The following LRRC1 variants were observed in gnomAD, a reference collection of about 807,000 sequenced individuals.
LRRC1 encodes the protein leucine-rich repeat-containing protein 1.
A neutral mutation model predicts 69.9 loss-of-function variants in LRRC1; 28 were observed. That is an observed-to-expected ratio of 0.40 (90% CI 0.30 to 0.55). The LOEUF (loss-of-function observed/expected upper bound fraction) is 0.55, where lower values mean the gene tolerates loss of function less well. Among genes scored for constraint, LRRC1 ranks in the 20% least tolerant of loss-of-function variants. The pLI, the probability that LRRC1 is intolerant of heterozygous loss-of-function variation, is 0.47. For synonymous variants in LRRC1, 236 were observed against 240.2 expected (o/e 0.98, Z 0.16); for missense variants, 498 against 609.0 (o/e 0.82, Z 1.92).
At chr6:53,921,095 G>A (rs1359063741) in intron 13 of LRRC1, among the ~76,000 whole-genome samples, 1 of 152,048 alleles carries the variant, frequency 6.6e-6, no homozygotes, top group Non-Finnish European at 1.5e-5. Context: ...AGCCTCTCAA[G>A]TAGCTGGGAC....
chr6:53,906,997 C>T (rs1768262316), intron 10 of LRRC1, among the ~76,000 whole-genome samples: 1 of 152,220 alleles, frequency 6.6e-6, no homozygotes, highest in African/African-American at 2.4e-5. Flanking sequence ...GAGTGCTTGC[C>T]TCTGACCATC....
At chr6:53,891,422 A>T (rs1767675436) in intron 4 of LRRC1, among the ~76,000 whole-genome samples, 1 of 152,122 alleles carries the variant, frequency 6.6e-6, no homozygotes, top group East Asian at 1.9e-4. Flanking sequence ...TGTTGAAAAA[A>T]TACTGGTATG....
At chr6:53,836,609 C>T (rs1765619779) in intron 1 of LRRC1, among the ~76,000 whole-genome samples, 1 of 152,088 alleles carries the variant, frequency 6.6e-6, no homozygotes, top group Non-Finnish European at 1.5e-5. Flanking sequence ...TATTTTCCTT[C>T]CTAATTAGTA....
In LRRC1 at chr6:53,821,879, GTTTTT is replaced by G. The variant is rs34507757; in HGVS notation, c.160-20219_160-20215del. Among the ~76,000 whole-genome samples the G allele has an allele frequency of 5.6e-4, 81 of 143,468 alleles. 1 individual carries two copies. The highest frequency in any genetic ancestry group is 1.4e-3 in the Admixed American group (21 of 14,590). 94.1% of individuals were successfully genotyped at this position (143,468 alleles called of 152,430 possible). ...TTGCCTTCTAATGCTAGTAATGCTA[GTTTTT>G]TTTTTTTTTTTCCTTTTCTGTTTGT... On this transcript the variant is annotated intron_variant, in intron 1 of 13. Transcript: ENST00000370888.
intron 3 of LRRC1, 77 bp from the exon 4 acceptor site, chr6:53,882,810 C>A: frequency 1.2e-6 from 1 of 810,390 alleles, no homozygotes; most frequent in Non-Finnish European, 2.0e-6. Flanking sequence ...TAGAATAAAT[C>A]ATTATATTTA....
chr6:53,860,790 T>G (rs1241030529), intron 2 of LRRC1, among the ~76,000 whole-genome samples: 1 of 152,174 alleles, frequency 6.6e-6, no homozygotes, highest in Non-Finnish European at 1.5e-5. Context: ...TGGATCTGCT[T>G]CAATGTAAGA....
In LRRC1 at chr6:53,808,751, C is replaced by T. The variant is rs193054478; in HGVS notation, c.159+13336C>T. 4.6e-5 allele frequency among the ~76,000 whole-genome samples: 7 copies of T among 152,206 alleles called. No individual in the cohort carries two copies. The East Asian group carries it at 1.4e-3, about 29-fold the overall frequency. On this transcript the variant is annotated intron_variant, in intron 1 of 13. Coordinates refer to ENST00000370888, the MANE Select transcript of LRRC1 (RefSeq NM_018214.5). ...AGACAGTGTTGTCTGCACCAAAAGC[C>T]ACCTGATGAGCCATAAGTTGCATCT...
At chr6:53,818,577 A>G (rs927890606) in intron 1 of LRRC1, among the ~76,000 whole-genome samples, 4 of 152,218 alleles carry the variant, frequency 2.6e-5, no homozygotes, top group African/African-American at 9.6e-5. Flanking sequence ...AGAAAGGCAG[A>G]TAAGATTGTA....
intron 1 of LRRC1, among the ~76,000 whole-genome samples, chr6:53,821,187 C>A (rs1009514527): frequency 6.6e-6 from 1 of 152,202 alleles, no homozygotes; most frequent in African/African-American, 2.4e-5. Context: ...TGCTGTACAT[C>A]ATTTGAATGC....
chr6:53,879,626 AAAAC>A (rs1014760066), intron 3 of LRRC1, among the ~76,000 whole-genome samples: 11 of 152,150 alleles, frequency 7.2e-5, no homozygotes, highest in African/African-American at 1.2e-4. Context: ...TCTGCATTAA[AAAAC>A]AAACAAACAA....
At position 53,896,530 on chromosome 6, in the gene LRRC1, A is replaced by G; in HGVS notation, c.479A>G (p.Glu160Gly). The change falls in exon 5 of 14, where the codon GAG (glutamate) becomes GGG (glycine). Residue 160 changes from glutamate (E) to glycine (G), a missense_variant. By Grantham distance (98) the Glu-to-Gly change is moderately conservative. Around this residue, in one of 3 missense-constraint regions of LRRC1, gnomAD observed 266 missense variants for 383.9 expected, o/e 0.69. Transcript: ENST00000370888. Reference protein sequence around the residue: ...LYNLASLELRENLLTYLPDSL... With the variant: ...LYNLASLELRGNLLTYLPDSL... ...AACCTGGCTTCACTGGAACTGAGAG[A>G]GAATCTTCTTACATATCTTCCTGAG... 6.2e-7 allele frequency: 1 copy of G among 1,613,242 alleles called. No individual in the cohort carries two copies. Among genetic ancestry groups the G allele is most frequent in the Non-Finnish European group, 8.5e-7 (1 of 1,179,370 alleles).
At chr6:53,831,044 A>G (rs1765413878) in intron 1 of LRRC1, among the ~76,000 whole-genome samples, 1 of 151,394 alleles carries the variant, frequency 6.6e-6, no homozygotes, top group South Asian at 2.1e-4. Flanking sequence ...ATAAAATCAC[A>G]CAATTTTAAT....
Position 53,897,283 on chromosome 6 carries a change from A to G in LRRC1, c.568-2A>G. ...CCGTAACTTTTTTTTCTTTTGTTTTAGCCAGAATCAATTGGAGCCCTCTTA... is the reference window on the plus strand; with the variant it reads ...CCGTAACTTTTTTTTCTTTTGTTTTGGCCAGAATCAATTGGAGCCCTCTTA... On this transcript the variant is annotated splice_acceptor_variant, in intron 6 of 13. Coordinates refer to ENST00000370888, the MANE Select transcript of LRRC1 (RefSeq NM_018214.5). LOFTEE classifies it high-confidence loss of function. 1.2e-6 allele frequency: 2 copies of G among 1,604,040 alleles called. No individual in the cohort carries two copies. Among genetic ancestry groups the G allele is most frequent in the Non-Finnish European group, 1.7e-6 (2 of 1,173,188 alleles).
At chr6:53,812,730 G>A (rs946385963) in intron 1 of LRRC1, among the ~76,000 whole-genome samples, 4 of 151,086 alleles carry the variant, frequency 2.6e-5, no homozygotes, top group Non-Finnish European at 5.9e-5. Context: ...AGAAAGAGGG[G>A]AAGGATGCTT....
At chr6:53,912,250 C>T (rs187460310) in intron 10 of LRRC1, among the ~76,000 whole-genome samples, 63 of 152,194 alleles carry the variant, frequency 4.1e-4, no homozygotes, top group African/African-American at 1.4e-3. Context: ...TTTGTGCTGT[C>T]AGAGGGTTAG....
intron 1 of LRRC1, among the ~76,000 whole-genome samples, chr6:53,800,216 A>ATCCGTTTATT (rs1344781875): frequency 6.8e-6 from 1 of 147,702 alleles, no homozygotes; most frequent in Non-Finnish European, 1.5e-5. Context: ...CTGTGGCAAG[A>ATCCGTTTATT]TCCGTTTATT....
intron 10 of LRRC1, among the ~76,000 whole-genome samples, chr6:53,905,634 A>G (rs1240959771): frequency 6.6e-6 from 1 of 152,252 alleles, no homozygotes; most frequent in East Asian, 1.9e-4. Flanking sequence ...CAGTCAGAAC[A>G]TGTGGCGTTC....
At chr6:53,914,752 T>C (rs1191990638) in intron 11 of LRRC1, among the ~76,000 whole-genome samples, 1 of 152,216 alleles carries the variant, frequency 6.6e-6, no homozygotes, top group Non-Finnish European at 1.5e-5. Context: ...CTTGGCTCTC[T>C]TCTTCATCAC....
chr6:53,908,576 A>G (rs1163978607), intron 10 of LRRC1, among the ~76,000 whole-genome samples: 3 of 152,242 alleles, frequency 2.0e-5, no homozygotes, highest in Non-Finnish European at 4.4e-5. Context: ...TTGACCATCA[A>G]ATTTCAAGAT....
Sources: gnomAD v4.1 joint callset for allele counts (sites outside exome capture counted in the v4.1 genomes callset) on GRCh38, gnomAD v4.1.1 for gene constraint, gnomAD v4.1.1 regional missense constraint, MANE v1.5 for transcripts, NCBI Gene and HGNC (gene_info 2026-07-23, HGNC 2026-07-21) for gene names.